GRID2: variants seen among roughly 807,000 people sequenced by gnomAD.
GRID2 encodes glutamate receptor ionotropic, delta-2.
In GRID2, 33 loss-of-function variants were observed where a neutral mutation model predicts 114.8. The ratio of observed to expected loss-of-function variants is 0.29; its 90% CI spans 0.22 to 0.38. GRID2 has a LOEUF of 0.38. Ranked by LOEUF, GRID2 falls within the 10% of genes least tolerant of loss-of-function variation. The pLI is 1.00. For missense variants in GRID2, 1,184 were observed against 1,257.7 expected (o/e 0.94, Z 0.89); for synonymous variants, 505 against 449.9 (o/e 1.12, Z -1.55).
intron 8 of GRID2, among the ~76,000 whole-genome samples, chr4:93,355,688 G>GA (rs1296711790): frequency 6.6e-6 from 1 of 151,966 alleles, no homozygotes; most frequent in Non-Finnish European, 1.5e-5. Context: ...TCCATAGACT[G>GA]AAAAAACAGC....
intron 2 of GRID2, among the ~76,000 whole-genome samples, chr4:92,771,801 C>T: frequency 6.6e-6 from 1 of 152,156 alleles, no homozygotes; most frequent in African/African-American, 2.4e-5. Context: ...GTTAAGTAAG[C>T]TACCCAAGGG....
At chr4:92,702,640 C>T (rs1019434071) in intron 2 of GRID2, 1 of 151,876 alleles carries the variant, frequency 6.6e-6, no homozygotes, top group African/African-American at 2.4e-5. Flanking sequence ...TTAATTTCAG[C>T]CTCCTATTTA....
chr4:93,113,578 C>T (rs1332369716), intron 4 of GRID2, among the ~76,000 whole-genome samples: 1 of 152,204 alleles, frequency 6.6e-6, no homozygotes, highest in East Asian at 1.9e-4. Flanking sequence ...ACTAGCGATA[C>T]AATGACAACA....
intron 14 of GRID2, among the ~76,000 whole-genome samples, chr4:93,661,934 T>C (rs1723534762): frequency 6.6e-6 from 1 of 152,062 alleles, no homozygotes; most frequent in African/African-American, 2.4e-5. Flanking sequence ...AAAGGCAAAG[T>C]TATCCCAATG....
chr4:92,990,728 A>G (rs894970724), intron 2 of GRID2, among the ~76,000 whole-genome samples: 8 of 152,168 alleles, frequency 5.3e-5, no homozygotes, highest in Non-Finnish European at 4.4e-5. Flanking sequence ...ATGAAGTCCA[A>G]TACTTTCACA....
At chr4:93,611,973 G>T (rs555908321) in intron 13 of GRID2, among the ~76,000 whole-genome samples, 11,410 of 147,772 alleles carry the variant, frequency 0.077, 536 homozygotes, top group Middle Eastern at 0.12. Flanking sequence ...GGTCACTCAG[G>T]ACTTGCTTTA....
chr4:93,794,335 G>T (rs1055747969), intron 1 of GRID2, among the ~76,000 whole-genome samples: 2 of 152,102 alleles, frequency 1.3e-5, no homozygotes, highest in African/African-American at 4.8e-5. Context: ...TAATCCAAGC[G>T]TTACAAATGG....
At chr4:93,806,778 T>C (rs1469595414) in exon 2 of GRID2, 1 of 152,360 alleles carries the variant, frequency 6.6e-6, no homozygotes, top group East Asian at 1.9e-4. Context: ...ATTAAGGCCA[T>C]GTTTGAAACT....
chr4:93,135,422 G>A (rs1273462915), intron 4 of GRID2, among the ~76,000 whole-genome samples: 3 of 152,160 alleles, frequency 2.0e-5, no homozygotes, highest in Admixed American at 6.5e-5. Flanking sequence ...AGAAATGATT[G>A]AGAAAGCTTC....
At chr4:92,830,154 T>G (rs1190074210) in intron 2 of GRID2, among the ~76,000 whole-genome samples, 1 of 150,694 alleles carries the variant, frequency 6.6e-6, no homozygotes, top group Non-Finnish European at 1.5e-5. Context: ...ATCCTGGGAC[T>G]CATAAACACT....
At chr4:92,510,461 G>A (rs1328608176) in intron 1 of GRID2, among the ~76,000 whole-genome samples, 2 of 151,834 alleles carry the variant, frequency 1.3e-5, no homozygotes, top group African/African-American at 4.8e-5. Context: ...ATGAATTTAG[G>A]AGTAATCAAA....
intron 14 of GRID2, among the ~76,000 whole-genome samples, chr4:93,741,954 G>A (rs993824685): frequency 3.3e-5 from 5 of 151,176 alleles, no homozygotes; most frequent in Admixed American, 2.6e-4. Context: ...TGTTTGTGGT[G>A]TGTTTGTTCA....
intron 13 of GRID2, among the ~76,000 whole-genome samples, chr4:93,516,920 T>C (rs1422926853): frequency 6.6e-6 from 1 of 152,134 alleles, no homozygotes; most frequent in Non-Finnish European, 1.5e-5. Context: ...CCCCCTGCCT[T>C]ATAACCTCAT....
chr4:93,615,864 GT>G (rs889944202), intron 13 of GRID2, among the ~76,000 whole-genome samples: 36 of 151,368 alleles, frequency 2.4e-4, no homozygotes, highest in Non-Finnish European at 1.0e-4. Context: ...TACTCCTATG[GT>G]TTTTTTCAAA....
intron 4 of GRID2, among the ~76,000 whole-genome samples, chr4:93,183,772 C>A (rs552179461): frequency 1.2e-4 from 19 of 152,150 alleles, no homozygotes; most frequent in South Asian, 4.1e-4. Context: ...TCCATGTTAC[C>A]ACTCAGGGAA....
At chr4:92,449,335 C>T (rs1297451619) in intron 1 of GRID2, among the ~76,000 whole-genome samples, 1 of 151,988 alleles carries the variant, frequency 6.6e-6, no homozygotes, top group Non-Finnish European at 1.5e-5. Flanking sequence ...CACAGCCTTA[C>T]TTTTTCCTTG....
intron 1 of GRID2, among the ~76,000 whole-genome samples, chr4:92,578,733 A>ATCAATCT (rs1553902725): frequency 6.7e-6 from 1 of 149,334 alleles, no homozygotes; most frequent in African/African-American, 2.5e-5. Flanking sequence ...TCTATCTATC[A>ATCAATCT]ATCTATCTAT....
chr4:92,726,733 C>A (rs1453813390), intron 2 of GRID2, among the ~76,000 whole-genome samples: 1 of 152,032 alleles, frequency 6.6e-6, no homozygotes, highest in African/African-American at 2.4e-5. Flanking sequence ...AGCAGTTAAT[C>A]CATATCGATT....
intron 11 of GRID2, among the ~76,000 whole-genome samples, chr4:93,471,189 T>C (rs914200269): frequency 6.6e-6 from 1 of 152,172 alleles, no homozygotes; most frequent in Non-Finnish European, 1.5e-5. Context: ...AAAACTTTGT[T>C]ATTAAAACTC....
Sources: gnomAD v4.1 joint callset for allele counts (sites outside exome capture counted in the v4.1 genomes callset) on GRCh38, gnomAD v4.1.1 for gene constraint, MANE v1.5 for transcripts, NCBI Gene and HGNC (gene_info 2026-07-23, HGNC 2026-07-21) for gene names.